The following TECPR1 variants were observed in gnomAD, a reference collection of about 807,000 sequenced individuals.
TECPR1 encodes tectonin beta-propeller repeat containing 1.
A neutral mutation model predicts 162.4 loss-of-function variants in TECPR1; 122 were observed. The ratio of observed to expected loss-of-function variants is 0.75; its 90% CI spans 0.65 to 0.87. The LOEUF (loss-of-function observed/expected upper bound fraction) is 0.87, where lower values mean the gene tolerates loss of function less well. Among genes scored for constraint, TECPR1 ranks in the 40% least tolerant of loss-of-function variants. TECPR1 has a pLI of 0.00. For missense variants in TECPR1, 1,432 were observed against 1,618.2 expected (o/e 0.88, Z 1.97); for synonymous variants, 642 against 670.6 (o/e 0.96, Z 0.66).
intron 2 of TECPR1, among the ~76,000 whole-genome samples, chr7:98,249,993 T>C (rs896998545): frequency 6.6e-6 from 1 of 151,958 alleles, no homozygotes; most frequent in African/African-American, 2.4e-5. Context: ...TCCATAATAG[T>C]CTCTGCACAC....
intron 10 of TECPR1, among the ~76,000 whole-genome samples, chr7:98,235,849 A>AAACAACAAC (rs1554401446): frequency 5.5e-4 from 61 of 110,240 alleles, no homozygotes; most frequent in Admixed American, 9.8e-4. Context: ...AAAAAAAAAA[A>AAACAACAAC]AACACCATCT....
In TECPR1 at chr7:98,233,708, C is replaced by A; in HGVS notation, c.1385G>T (p.Cys462Phe). 6.2e-7 allele frequency: 1 copy of A among 1,611,040 alleles called. No homozygotes were observed. Among genetic ancestry groups the A allele is most frequent in the Non-Finnish European group, 8.5e-7 (1 of 1,178,972 alleles). Residue 462 changes from cysteine (C) to phenylalanine (F), a missense_variant, in exon 11 of 26, where the codon TGC (cysteine) becomes TTC (phenylalanine). By Grantham distance (205) the Cys-to-Phe change is radical (BLOSUM62 -2). Coordinates refer to ENST00000447648, the MANE Select transcript of TECPR1 (RefSeq NM_015395.3). Reference protein sequence around the residue: ...RTAEDTVEDACPAEGSREARP... With the variant: ...RTAEDTVEDAFPAEGSREARP... ...GGCCTCCCTGCTGCCCTCGGCTGGG[C>A]AGGCATCTTCCACGGTATCTTCTGC...
chr7:98,235,523 T>TA (rs35562090), intron 10 of TECPR1, among the ~76,000 whole-genome samples: 93,776 of 116,816 alleles, frequency 0.8, 37,945 homozygotes, highest in Middle Eastern at 0.85. Context: ...AGACTCCGTC[T>TA]AAAAAAAAAA....
At chr7:98,247,918 G>A (rs1798954151) in intron 2 of TECPR1, among the ~76,000 whole-genome samples, 1 of 151,950 alleles carries the variant, frequency 6.6e-6, no homozygotes, top group African/African-American at 2.4e-5. Context: ...TAGAGATGGG[G>A]TCTCGCTATG....
At position 98,243,503 on chromosome 7, in the gene TECPR1, GC is replaced by G; in HGVS notation, c.620del (p.Gly207AlafsTer129). 6.2e-7 allele frequency: 1 copy of G among 1,612,654 alleles called. No individual in the cohort carries two copies. Among genetic ancestry groups the G allele is most frequent in the African/African-American group, 1.3e-5 (1 of 75,068 alleles). On this transcript the variant is annotated frameshift_variant, in exon 6 of 26. Transcript: ENST00000447648. LOFTEE classifies it high-confidence loss of function. ...GAGACACAGCCCACACTGACAGGCG[GC>G]CCACAGGCTCCTCCGTGATCTCCCA... The part of the protein sequence containing the change: ...GGWEITEEPV[G>X]RLSVWAVSLQ...
chr7:98,235,849 A>AAAAAAAAAAAAACAAC, intron 10 of TECPR1, among the ~76,000 whole-genome samples: 4 of 110,248 alleles, frequency 3.6e-5, no homozygotes, highest in East Asian at 2.3e-4. Flanking sequence ...AAAAAAAAAA[A>AAAAAAAAAAAAACAAC]AACACCATCT....
At position 98,232,749 on chromosome 7, in the gene TECPR1, G is replaced by C; in HGVS notation, c.1818+78C>G. On this transcript the variant is annotated intron_variant, in intron 12 of 25. Coordinates refer to ENST00000447648, the MANE Select transcript of TECPR1 (RefSeq NM_015395.3). This position sits in a 1 kb window ranked among gnomAD's most constrained non-coding sequence, Gnocchi z 4.6. Reference sequence around the variant, plus strand: ...GAGGCATCTATCTGTTTCTCTCAGAGCTGGTACACAGCAGGCGCTCAATGA... The same window carrying C: ...GAGGCATCTATCTGTTTCTCTCAGACCTGGTACACAGCAGGCGCTCAATGA... The C allele has an allele frequency of 4.1e-6, 6 of 1,452,508 alleles. No individual in the cohort carries two copies. The highest frequency in any genetic ancestry group is 5.5e-6 in the Non-Finnish European group (6 of 1,099,470). 90.0% of individuals were successfully genotyped at this position (1,452,508 alleles called of 1,614,324 possible).
At position 98,233,660 on chromosome 7, in the gene TECPR1, G is replaced by A. The variant is rs201940141; in HGVS notation, c.1433C>T (p.Pro478Leu). The A allele has an allele frequency of 2.6e-5, 41 of 1,596,944 alleles. No individual in the cohort carries two copies. Among genetic ancestry groups the A allele is most frequent in the South Asian group, 1.7e-4 (15 of 89,564 alleles). Residue 478 changes from proline (P) to leucine (L), a missense_variant, in exon 11 of 26, where the codon CCG becomes CTG. Transcript: ENST00000447648. ...REARPNTHPGPAPTPAELPWT... is the reference protein window; with the variant it reads ...REARPNTHPGLAPTPAELPWT... ...GGGCAGCTCGGCCGGGGTGGGGGCCGGGCCGGGGTGCGTGTTGGGTCTGGC... is the reference window on the plus strand; with the variant it reads ...GGGCAGCTCGGCCGGGGTGGGGGCCAGGCCGGGGTGCGTGTTGGGTCTGGC...
intron 10 of TECPR1, among the ~76,000 whole-genome samples, chr7:98,235,456 T>C (rs1282446222): frequency 7.2e-6 from 1 of 138,526 alleles, no homozygotes; most frequent in East Asian, 2.1e-4. Context: ...ACCCTGGAGG[T>C]GGAGCTTGCA....
At position 98,231,074 on chromosome 7, in the gene TECPR1, C is replaced by A; in HGVS notation, c.2169G>T (p.Gln723His). The change falls in exon 15 of 26, where the codon CAG becomes CAT. Residue 723 changes from glutamine (Q) to histidine (H), a missense_variant. Physicochemically the swap from Gln to His is conservative, Grantham distance 24. Coordinates refer to ENST00000447648, the MANE Select transcript of TECPR1 (RefSeq NM_015395.3). ...AGATGGCCTGCGGGGACGGGCGGCCCTGCACCTTCCGGCTCTCGCAGCAAG... is the reference window on the plus strand; with the variant it reads ...AGATGGCCTGCGGGGACGGGCGGCCATGCACCTTCCGGCTCTCGCAGCAAG... The part of the protein sequence containing the change: ...SLSCCESRKV[Q>H]GRPSPQAIWS... 6.2e-7 allele frequency: 1 copy of A among 1,607,792 alleles called. No homozygotes were observed. Among genetic ancestry groups the A allele is most frequent in the Non-Finnish European group, 8.5e-7 (1 of 1,177,736 alleles).
intron 2 of TECPR1, among the ~76,000 whole-genome samples, chr7:98,247,344 T>C (rs1006293247): frequency 3.9e-5 from 6 of 152,046 alleles, no homozygotes; most frequent in Non-Finnish European, 8.8e-5. Context: ...TCTCACTATG[T>C]TGCCCAAGCT....
At chr7:98,224,592 C>T (rs1798227659) in intron 19 of TECPR1, among the ~76,000 whole-genome samples, 1 of 152,188 alleles carries the variant, frequency 6.6e-6, no homozygotes, top group Admixed American at 6.5e-5. Context: ...AGGGGTGCCA[C>T]GTGTGCAGGG....
intron 10 of TECPR1, among the ~76,000 whole-genome samples, chr7:98,235,324 G>C (rs776368586): frequency 1.3e-5 from 2 of 151,662 alleles, no homozygotes; most frequent in Admixed American, 6.6e-5. Context: ...AGGAGATCGA[G>C]ACCATCCTGG....
In TECPR1 at chr7:98,217,732, G is replaced by C; in HGVS notation, c.3344C>G (p.Pro1115Arg). ...GTVCHRTGVQ[P>R]HEPKGHGWDY... Reference sequence around the variant, plus strand: ...CCAGCCGTGGCCCTTGGGCTCGTGAGGCTGCACGCCGGTGCGATGACACAC... The same window carrying C: ...CCAGCCGTGGCCCTTGGGCTCGTGACGCTGCACGCCGGTGCGATGACACAC... Residue 1115 changes from proline (P) to arginine (R), a missense_variant, in exon 25 of 26, where the codon CCT (proline) becomes CGT (arginine). Coordinates refer to ENST00000447648, the MANE Select transcript of TECPR1 (RefSeq NM_015395.3). The C allele has an allele frequency of 6.5e-7, 1 of 1,550,008 alleles. No individual in the cohort carries two copies. The highest frequency in any genetic ancestry group is 8.7e-7 in the Non-Finnish European group (1 of 1,146,698).
intron 8 of TECPR1, among the ~76,000 whole-genome samples, chr7:98,239,828 T>C (rs2116606072): frequency 6.6e-6 from 1 of 151,672 alleles, no homozygotes; most frequent in East Asian, 2.0e-4. Context: ...ACCCTGTGAC[T>C]GGCCAGGCAC....
At chr7:98,247,923 G>A (rs537730362) in intron 2 of TECPR1, among the ~76,000 whole-genome samples, 49 of 151,716 alleles carry the variant, frequency 3.2e-4, no homozygotes, top group South Asian at 3.1e-3. Flanking sequence ...ATGGGGTCTC[G>A]CTATGTTGCC....
Position 98,229,176 on chromosome 7 carries a change from T to C in TECPR1, c.2283-10A>G. On this transcript the variant is annotated splice_polypyrimidine_tract_variant and intron_variant, in intron 15 of 25. Transcript: ENST00000447648. Reference sequence around the variant, plus strand: ...CATCTGCCGCCAAAACCTGGAAGGATGGGAGAGGGCAGGTGGAAACCCCTC... The same window carrying C: ...CATCTGCCGCCAAAACCTGGAAGGACGGGAGAGGGCAGGTGGAAACCCCTC... 1 of 1,554,846 alleles carries C rather than the reference T, an allele frequency of 6.4e-7. No individual in the cohort carries two copies. Among genetic ancestry groups the C allele is most frequent in the African/African-American group, 1.4e-5 (1 of 73,308 alleles).
chr7:98,245,143 A>C, intron 3 of TECPR1, 76 bp from the exon 4 acceptor site: 2 of 1,493,080 alleles, frequency 1.3e-6, no homozygotes, highest in Non-Finnish European at 1.8e-6. Context: ...AGGCATCTCC[A>C]GGACCAGCTG....
rs116762009 is a variant in TECPR1 at position 98,217,624 on chromosome 7, G to A, written c.3384+68C>T. The A allele has an allele frequency of 2.1e-3, 3,243 of 1,520,150 alleles. 23 individuals carry two copies. The highest frequency in any genetic ancestry group is 0.017 in the African/African-American group (1,221 of 72,690). 94.2% of individuals were successfully genotyped at this position (1,520,150 alleles called of 1,614,324 possible). A position where few individuals can be genotyped will look rare whatever the true frequency, so the allele number is the denominator to read the frequency against. On this transcript the variant is annotated intron_variant, in intron 25 of 25. Transcript: ENST00000447648. ...CCCAGGGGACAGTCCCACAGTGGTC[G>A]TCCCGTCTTCAGCACCCAGTGCAGG... is the stretch of plus-strand genomic sequence containing the variant.
Sources: allele counts gnomAD v4.1 joint callset (sites outside exome capture counted in the v4.1 genomes callset), GRCh38; gene constraint gnomAD v4.1.1; non-coding constraint Gnocchi (gnomAD v3.1); transcripts MANE v1.5; gene names NCBI Gene and HGNC (gene_info 2026-07-23, HGNC 2026-07-21).